GRB14: variants seen among roughly 807,000 people sequenced by gnomAD.
GRB14 encodes the protein growth factor receptor-bound protein 14.
Under a neutral mutation model 69.1 loss-of-function variants are expected in GRB14, and 38 were observed. The observed-to-expected ratio is 0.55, with a 90% CI of 0.42 to 0.72. GRB14 has a LOEUF of 0.72. GRB14 is among the 30% of genes least tolerant of loss of function. GRB14 has a pLI of 0.00. For missense variants in GRB14, 666 were observed against 666.1 expected (o/e 1.00, Z 0.00); for synonymous variants, 247 against 241.3 (o/e 1.02, Z -0.22).
chr2:164,524,487 A>G (rs1484992699), intron 5 of GRB14, among the ~76,000 whole-genome samples: 2 of 152,154 alleles, frequency 1.3e-5, no homozygotes, highest in Non-Finnish European at 2.9e-5. Flanking sequence ...TAATTCAGCT[A>G]AGAATATTTC....
At chr2:164,514,154 G>A (rs1263137247) in intron 6 of GRB14, among the ~76,000 whole-genome samples, 1 of 152,202 alleles carries the variant, frequency 6.6e-6, no homozygotes, top group East Asian at 1.9e-4. Context: ...TATGTAAGGA[G>A]ACAAAATAAC....
intron 2 of GRB14, among the ~76,000 whole-genome samples, chr2:164,591,803 T>A (rs528375491): frequency 6.6e-6 from 1 of 152,270 alleles, no homozygotes; most frequent in African/African-American, 2.4e-5. Context: ...CCCAGTGATA[T>A]GGTTTTGCAT....
Position 164,537,202 on chromosome 2 carries a change from C to T in GRB14, c.482-10067G>A, listed in dbSNP as rs759981738. On this transcript the variant is annotated intron_variant, in intron 3 of 13. Coordinates refer to ENST00000263915, the MANE Select transcript of GRB14 (RefSeq NM_004490.3). ...CCACTCTCCCTGGACAGTGGCACTA[C>T]GTTACCTATCAGTCAGCTTGGACAG... Among the ~76,000 whole-genome samples the T allele has an allele frequency of 1.6e-4, 24 of 152,320 alleles. 1 individual carries two copies. The highest frequency in any genetic ancestry group is 5.3e-4 in the African/African-American group (22 of 41,564).
intron 6 of GRB14, among the ~76,000 whole-genome samples, chr2:164,513,872 A>T (rs1435715468): frequency 6.6e-6 from 1 of 152,252 alleles, no homozygotes; most frequent in African/African-American, 2.4e-5. Context: ...AATTCTCAAA[A>T]GAATTTTTAC....
chr2:164,596,075 G>C (rs1399777350), intron 2 of GRB14, among the ~76,000 whole-genome samples: 1 of 152,198 alleles, frequency 6.6e-6, no homozygotes, highest in Non-Finnish European at 1.5e-5. Context: ...AGCGAACCGA[G>C]ATTGCACCGC....
chr2:164,493,286 T>C (rs1686807484), intron 13 of GRB14, 104 bp from the exon 14 acceptor site: 1 of 980,536 alleles, frequency 1.0e-6, no homozygotes, highest in Non-Finnish European at 1.5e-6. Context: ...GCCAAGTTTA[T>C]AAAACTAAAA....
At chr2:164,614,657 G>A (rs1468777748) in intron 2 of GRB14, among the ~76,000 whole-genome samples, 1 of 152,098 alleles carries the variant, frequency 6.6e-6, no homozygotes, top group Non-Finnish European at 1.5e-5. Flanking sequence ...AATAGATGGA[G>A]TAAATGAGGC....
At chr2:164,579,298 A>C (rs1379070905) in intron 2 of GRB14, among the ~76,000 whole-genome samples, 3 of 152,170 alleles carry the variant, frequency 2.0e-5, no homozygotes, top group Non-Finnish European at 4.4e-5. Context: ...GACCCAAAAC[A>C]CTTCTGATAT....
At chr2:164,591,462 A>G (rs1483460873) in intron 2 of GRB14, among the ~76,000 whole-genome samples, 1 of 152,150 alleles carries the variant, frequency 6.6e-6, no homozygotes, top group African/African-American at 2.4e-5. Flanking sequence ...GGGTGCCTTA[A>G]TAGTACTGTG....
At chr2:164,591,678 T>C in intron 2 of GRB14, among the ~76,000 whole-genome samples, 1 of 152,140 alleles carries the variant, frequency 6.6e-6, no homozygotes. Flanking sequence ...TCACTAATCC[T>C]CAAGAACTAT....
chr2:164,530,102 G>A (rs1180769616), intron 3 of GRB14, among the ~76,000 whole-genome samples: 1 of 152,098 alleles, frequency 6.6e-6, no homozygotes, highest in African/African-American at 2.4e-5. Context: ...AATACCTGAG[G>A]TTGGGTAATT....
chr2:164,532,157 A>G (rs1246001255), intron 3 of GRB14, among the ~76,000 whole-genome samples: 1 of 152,212 alleles, frequency 6.6e-6, no homozygotes, highest in Non-Finnish European at 1.5e-5. Flanking sequence ...GTAGGTCTAA[A>G]CCTTCAACTG....
intron 12 of GRB14, among the ~76,000 whole-genome samples, chr2:164,495,136 T>A (rs1686858191): frequency 6.6e-6 from 1 of 152,022 alleles, no homozygotes; most frequent in East Asian, 1.9e-4. Context: ...GAGACAGGGT[T>A]TCACCATATT....
intron 2 of GRB14, chr2:164,573,759 T>G (rs963102563): frequency 6.2e-7 from 1 of 1,610,622 alleles, no homozygotes; most frequent in Non-Finnish European, 8.5e-7. Flanking sequence ...CTCTTCATAT[T>G]TGAGACTTTC....
chr2:164,563,278 A>G (rs541511087), intron 2 of GRB14, among the ~76,000 whole-genome samples: 2 of 152,316 alleles, frequency 1.3e-5, no homozygotes, highest in Non-Finnish European at 1.5e-5. Context: ...CCAGACAAAT[A>G]TTTACTAAAT....
At chr2:164,519,248 T>C (rs998102640) in intron 6 of GRB14, among the ~76,000 whole-genome samples, 3 of 152,128 alleles carry the variant, frequency 2.0e-5, no homozygotes, top group Admixed American at 6.5e-5. Context: ...ATACAACACA[T>C]AAACAGAATT....
At chr2:164,619,655 AT>A (rs1396282095) in intron 2 of GRB14, 31 bp downstream of exon 2, 2 of 1,507,206 alleles carry the variant, frequency 1.3e-6, no homozygotes, top group African/African-American at 1.4e-5. Flanking sequence ...AACTCCTAAG[AT>A]TTTTGAAATT....
chr2:164,524,968 C>G, intron 5 of GRB14, 36 bp downstream of exon 5: 1 of 1,140,276 alleles, frequency 8.8e-7, no homozygotes, highest in South Asian at 1.4e-5. Context: ...CTTCATTATG[C>G]TATTATTTAT....
rs3086552 is a variant in GRB14 at position 164,503,169 on chromosome 2, T to TAAA, written c.1024-837_1024-835dup. Among the ~76,000 whole-genome samples the TAAA allele has an allele frequency of 6.4e-3, 810 of 126,576 alleles. 10 individuals carry two copies. The highest frequency in any genetic ancestry group is 0.032 in the East Asian group (140 of 4,360). The allele number at this position is 126,576 out of a possible 152,430, so 83.0% of individuals were successfully genotyped here. A position where few individuals can be genotyped will look rare whatever the true frequency, so the allele number is the denominator to read the frequency against. On this transcript the variant is annotated intron_variant, in intron 8 of 13. Transcript: ENST00000263915. ...CTCCTTTAGGTTTAAGCTACTTTGT[T>TAAA]AAAAAAAAAAAAAAAAAAGAAAAGA... is the stretch of plus-strand genomic sequence containing the variant.
Sources: gnomAD v4.1 joint callset for allele counts (sites outside exome capture counted in the v4.1 genomes callset) on GRCh38, gnomAD v4.1.1 for gene constraint, MANE v1.5 for transcripts, NCBI Gene and HGNC (gene_info 2026-07-23, HGNC 2026-07-21) for gene names.